The following CSNK1G1 variants were observed in gnomAD, a reference collection of about 807,000 sequenced individuals.
The protein encoded by CSNK1G1 is casein kinase I isoform gamma-1.
In CSNK1G1, 22 loss-of-function variants were observed where a neutral mutation model predicts 59.6. The observed-to-expected ratio is 0.37, with a 90% CI of 0.26 to 0.53. The LOEUF (loss-of-function observed/expected upper bound fraction) is 0.53. Among genes scored for constraint, CSNK1G1 ranks in the 20% least tolerant of loss-of-function variants. The pLI is 0.89. For synonymous variants in CSNK1G1, 179 were observed against 177.1 expected (o/e 1.01, Z -0.08); for missense variants, 384 against 519.5 (o/e 0.74, Z 2.54).
At chr15:64,207,976 C>T (rs376006298) in intron 6 of CSNK1G1, among the ~76,000 whole-genome samples, 6 of 152,192 alleles carry the variant, frequency 3.9e-5, no homozygotes, top group African/African-American at 1.4e-4. Flanking sequence ...GAGTGAGCAG[C>T]AGATTAAGCA....
At chr15:64,191,213 C>A (rs2140228662) in intron 10 of CSNK1G1, among the ~76,000 whole-genome samples, 1 of 152,236 alleles carries the variant, frequency 6.6e-6, no homozygotes, top group Non-Finnish European at 1.5e-5. Flanking sequence ...GGACGCGCGC[C>A]ACCAGGTTGC....
chr15:64,235,039 G>A lies in CSNK1G1; in HGVS notation c.292+16473C>T, dbSNP rs2082597043. On this transcript the variant is annotated intron_variant, in intron 4 of 11. Transcript: ENST00000303052. ...TACTGGTAGACGCAAGCTGAGGCAA[G>A]AGATTTTACAGCCCTAAGCAGGAGG... Among the ~76,000 whole-genome samples, 5 of 152,154 alleles carry A rather than the reference G, an allele frequency of 3.3e-5. No homozygotes were observed. The South Asian group carries it at 1.0e-3, about 32-fold the overall frequency.
chr15:64,268,762 G>A (rs1003936853), intron 2 of CSNK1G1, among the ~76,000 whole-genome samples: 1 of 152,134 alleles, frequency 6.6e-6, no homozygotes, highest in Admixed American at 6.5e-5. Flanking sequence ...CATTCCTCCA[G>A]GGTTGACTCC....
At chr15:64,248,922 C>G (rs1408868681) in intron 4 of CSNK1G1, among the ~76,000 whole-genome samples, 2 of 152,062 alleles carry the variant, frequency 1.3e-5, no homozygotes, top group Non-Finnish European at 2.9e-5. Flanking sequence ...AGATCGAGAC[C>G]ATCCTGGCTA....
At chr15:64,273,473 A>C (rs750757607) in intron 2 of CSNK1G1, among the ~76,000 whole-genome samples, 1 of 152,216 alleles carries the variant, frequency 6.6e-6, no homozygotes, top group Admixed American at 6.5e-5. Context: ...AAGGTGCTAG[A>C]TAAGTCTAAT....
chr15:64,339,913 T>C (rs973902132), intron 1 of CSNK1G1, among the ~76,000 whole-genome samples: 6 of 152,228 alleles, frequency 3.9e-5, no homozygotes, highest in African/African-American at 1.2e-4. Flanking sequence ...AACTTGACTA[T>C]ATGCTATGCC....
At chr15:64,288,012 A>G (rs1894521181) in intron 2 of CSNK1G1, among the ~76,000 whole-genome samples, 2 of 152,360 alleles carry the variant, frequency 1.3e-5, no homozygotes, top group South Asian at 4.1e-4. Context: ...ATGACTTAGC[A>G]AAACTAAGCC....
chr15:64,302,152 T>A (rs556181742), intron 1 of CSNK1G1, among the ~76,000 whole-genome samples: 4 of 152,114 alleles, frequency 2.6e-5, no homozygotes, highest in African/African-American at 9.7e-5. Context: ...TAGGCTGGAG[T>A]GCAATGGCGA....
intron 4 of CSNK1G1, among the ~76,000 whole-genome samples, chr15:64,220,183 C>A (rs566650790): frequency 6.6e-6 from 1 of 152,184 alleles, no homozygotes; most frequent in East Asian, 1.9e-4. Context: ...CAACCTCCGC[C>A]TCTTGGGTTC....
chr15:64,293,094 CAA>C (rs1894832494), intron 2 of CSNK1G1, among the ~76,000 whole-genome samples: 1 of 152,032 alleles, frequency 6.6e-6, no homozygotes, highest in Admixed American at 6.6e-5. Flanking sequence ...GCAGAAGGCT[CAA>C]AACTTTAAAA....
In CSNK1G1 at chr15:64,188,369, A is replaced by G; in HGVS notation, c.1108-7915T>C. 1 of 1,531,896 alleles carries G rather than the reference A, an allele frequency of 6.5e-7. No individual in the cohort carries two copies. The highest frequency in any genetic ancestry group is 1.2e-5 in the South Asian group (1 of 83,682). The allele number at this position is 1,531,896 out of a possible 1,614,324, so 94.9% of individuals were successfully genotyped here. Reference sequence around the variant, plus strand: ...GCCAGGAAAAGGCAATAAAGGCAGTAAATACCTGCACTGATCCCCCATGGC... The same window carrying G: ...GCCAGGAAAAGGCAATAAAGGCAGTGAATACCTGCACTGATCCCCCATGGC... On this transcript the variant is annotated intron_variant, in intron 10 of 11. Transcript: ENST00000303052. This position sits in a 1 kb window ranked among gnomAD's most constrained non-coding sequence, Gnocchi z 4.2.
chr15:64,177,609 C>T (rs2081756762), intron 11 of CSNK1G1, among the ~76,000 whole-genome samples: 1 of 152,138 alleles, frequency 6.6e-6, no homozygotes. Flanking sequence ...GCACATTTGT[C>T]CTTTTTGCTA....
intron 1 of CSNK1G1, among the ~76,000 whole-genome samples, chr15:64,352,102 T>G (rs969060039): frequency 2.6e-5 from 4 of 151,370 alleles, no homozygotes; most frequent in African/African-American, 9.7e-5. Flanking sequence ...AGGTCACGAG[T>G]TAGAGAGCCG....
chr15:64,236,743 A>C (rs1188096459), intron 4 of CSNK1G1, among the ~76,000 whole-genome samples: 1 of 152,232 alleles, frequency 6.6e-6, no homozygotes, highest in Non-Finnish European at 1.5e-5. Flanking sequence ...TTTCCCAAAG[A>C]ACTAAAAATA....
chr15:64,182,426 A>T (rs1422907841), intron 10 of CSNK1G1, among the ~76,000 whole-genome samples: 2 of 152,160 alleles, frequency 1.3e-5, no homozygotes, highest in African/African-American at 2.4e-5. Flanking sequence ...GGGAGACTTA[A>T]AGATTAAAAC....
intron 1 of CSNK1G1, among the ~76,000 whole-genome samples, chr15:64,343,335 T>A (rs1009831560): frequency 5.3e-5 from 8 of 152,298 alleles, no homozygotes; most frequent in Admixed American, 4.6e-4. Flanking sequence ...TTTCACAGAC[T>A]GTGGCCAATT....
intron 3 of CSNK1G1, among the ~76,000 whole-genome samples, chr15:64,252,316 T>A (rs1892131691): frequency 1.3e-5 from 2 of 152,010 alleles, no homozygotes; most frequent in South Asian, 4.1e-4. Flanking sequence ...GCTCAAGTCA[T>A]CCTCCTATCT....
rs112205310 is a variant in CSNK1G1 at position 64,192,427 on chromosome 15, G to A, written c.1107+10655C>T. Among the ~76,000 whole-genome samples, 1,053 of 152,298 alleles carry A rather than the reference G, an allele frequency of 6.9e-3. 11 individuals are homozygous for A. The highest frequency in any genetic ancestry group is 0.017 in the African/African-American group (709 of 41,566). On this transcript the variant is annotated intron_variant, in intron 10 of 11. Coordinates refer to ENST00000303052, the MANE Select transcript of CSNK1G1 (RefSeq NM_022048.5). Reference sequence around the variant, plus strand: ...AGTAGGTAAATCTTGAAACAAGAAAGTAGCAATCCAGCATAGCATAAATGA... The same window carrying A: ...AGTAGGTAAATCTTGAAACAAGAAAATAGCAATCCAGCATAGCATAAATGA...
intron 1 of CSNK1G1, among the ~76,000 whole-genome samples, chr15:64,310,942 T>C (rs1362323465): frequency 2.7e-5 from 4 of 148,414 alleles, no homozygotes; most frequent in Non-Finnish European, 4.5e-5. Flanking sequence ...GAGGCGGAAG[T>C]TGCAGTGAGC....
Sources: gnomAD v4.1 joint callset for allele counts (sites outside exome capture counted in the v4.1 genomes callset) on GRCh38, gnomAD v4.1.1 for gene constraint, Gnocchi (gnomAD v3.1) non-coding constraint, MANE v1.5 for transcripts, NCBI Gene and HGNC (gene_info 2026-07-23, HGNC 2026-07-21) for gene names.